Variants in DAB2 observed in about 807,000 individuals in gnomAD.
DAB2 encodes the protein disabled homolog 2.
In DAB2, 28 loss-of-function variants were observed where a neutral mutation model predicts 71.6. That is an observed-to-expected ratio of 0.39 (90% CI 0.29 to 0.54). The LOEUF is 0.54. Among genes scored for constraint, DAB2 ranks in the 20% least tolerant of loss-of-function variants. DAB2 has a pLI of 0.68. For missense variants in DAB2, 867 were observed against 928.8 expected (o/e 0.93, Z 0.86); for synonymous variants, 345 against 339.7 (o/e 1.02, Z -0.17).
intron 11 of DAB2, 41 bp downstream of exon 11, chr5:39,381,413 A>C (rs1280265312): frequency 6.9e-6 from 11 of 1,587,728 alleles, no homozygotes; most frequent in Admixed American, 5.1e-5. Flanking sequence ...TTATGAGCAA[A>C]AGCAAAAGAG....
At chr5:39,401,120 C>T (rs1479406673) in intron 1 of DAB2, among the ~76,000 whole-genome samples, 1 of 152,214 alleles carries the variant, frequency 6.6e-6, no homozygotes, top group Non-Finnish European at 1.5e-5. Context: ...TTTAGGAAGG[C>T]TCTTCTGCTC....
At chr5:39,405,630 C>G (rs745843749) in intron 1 of DAB2, among the ~76,000 whole-genome samples, 1 of 152,226 alleles carries the variant, frequency 6.6e-6, no homozygotes, top group Non-Finnish European at 1.5e-5. Context: ...GAATTACAGT[C>G]TAGCGCATAG....
At chr5:39,423,908 A>G (rs3909469) in intron 1 of DAB2, 35,056 of 151,832 alleles carry the variant, frequency 0.23, 4,201 homozygotes, top group Admixed American at 0.32. Flanking sequence ...CTAAAAAGAA[A>G]GGGGAAAAGG....
intron 1 of DAB2, among the ~76,000 whole-genome samples, chr5:39,421,883 C>G (rs1755993559): frequency 7.0e-6 from 1 of 143,514 alleles, no homozygotes; most frequent in Non-Finnish European, 1.5e-5. Flanking sequence ...ATGGTGAAAC[C>G]CCGTCTCTAC....
chr5:39,391,965 CAAAAAAAAAA>C (rs10708821), intron 4 of DAB2, among the ~76,000 whole-genome samples: 2 of 141,490 alleles, frequency 1.4e-5, no homozygotes, highest in African/African-American at 5.2e-5. Context: ...TACCCGAGGT[CAAAAAAAAAA>C]AAAAAAATAT....
Position 39,394,370 on chromosome 5 carries a change from C to A in DAB2, c.-50G>T. ...CAGTACCAGTGGACACTTGGTGACA[C>A]CAGGCGATCCCGATGGAGAAGTCTC... On this transcript the variant is annotated 5_prime_UTR_variant, in exon 2 of 15. Transcript: ENST00000320816. 7.4e-7 allele frequency: 1 copy of A among 1,347,670 alleles called. No individual in the cohort carries two copies. The highest frequency in any genetic ancestry group is 1.1e-6 in the Non-Finnish European group (1 of 937,474). 83.5% of individuals were successfully genotyped at this position (1,347,670 alleles called of 1,614,324 possible).
intron 1 of DAB2, among the ~76,000 whole-genome samples, chr5:39,404,473 A>AAG (rs1554054941): frequency 2.0e-5 from 3 of 149,948 alleles, no homozygotes; most frequent in Non-Finnish European, 3.0e-5. Context: ...AAAAAAAAAA[A>AAG]AAAGAAAGAA....
Position 39,376,001 on chromosome 5 carries a change from G to A in DAB2, c.2243C>T (p.Ala748Val), listed in dbSNP as rs1233392004. The change falls in exon 13 of 15, where the codon GCC becomes GTC. Residue 748 changes from alanine to valine, a missense_variant. Transcript: ENST00000320816. ...CTTCTAGTAGTTCATACTTACAGAG[G>A]CTTGTGATGAACCAAAAGAATCTTT... ...FFKDSFGSSQ[A>V]SVASSQPVSS... 1 of 1,611,882 alleles carries A rather than the reference G, an allele frequency of 6.2e-7. No individual in the cohort carries two copies. The highest frequency in any genetic ancestry group is 2.2e-5 in the East Asian group (1 of 44,866).
intron 13 of DAB2, 128 bp downstream of exon 13, chr5:39,375,869 G>A (rs375494768): frequency 1.6e-5 from 12 of 743,130 alleles, no homozygotes; most frequent in Non-Finnish European, 2.6e-5. Flanking sequence ...CTGGCCGACA[G>A]AGCAAGACTC....
At chr5:39,389,569 G>T (rs1248698624) in intron 6 of DAB2, among the ~76,000 whole-genome samples, 1 of 152,136 alleles carries the variant, frequency 6.6e-6, no homozygotes, top group Non-Finnish European at 1.5e-5. Flanking sequence ...GGAGTGCAGT[G>T]GCACCATCTC....
chr5:39,413,277 A>T (rs1009788193), intron 1 of DAB2, among the ~76,000 whole-genome samples: 1 of 152,190 alleles, frequency 6.6e-6, no homozygotes, highest in Non-Finnish European at 1.5e-5. Context: ...AAGGACTAAC[A>T]ATCTCAAACA....
chr5:39,385,469 G>T (rs1263059010), intron 9 of DAB2: 1 of 152,104 alleles, frequency 6.6e-6, no homozygotes, highest in Non-Finnish European at 1.5e-5. Flanking sequence ...GGCTGGGTTT[G>T]TTATTAATCC....
At chr5:39,375,514 C>T (rs965995559) in intron 13 of DAB2, among the ~76,000 whole-genome samples, 1 of 152,140 alleles carries the variant, frequency 6.6e-6, no homozygotes, top group African/African-American at 2.4e-5. Flanking sequence ...TGCAAATAAT[C>T]TTTCTCCAGT....
intron 13 of DAB2, 64 bp from the exon 14 acceptor site, chr5:39,375,148 A>T: frequency 8.3e-7 from 1 of 1,199,090 alleles, no homozygotes; most frequent in Non-Finnish European, 1.2e-6. Context: ...AATCGCAATG[A>T]AGACTTCCAA....
At chr5:39,409,235 A>T (rs1450297086) in intron 1 of DAB2, among the ~76,000 whole-genome samples, 6 of 152,194 alleles carry the variant, frequency 3.9e-5, no homozygotes, top group Non-Finnish European at 7.3e-5. Flanking sequence ...ATCTGTCATT[A>T]TTCTCTCATC....
intron 1 of DAB2, among the ~76,000 whole-genome samples, chr5:39,407,460 C>G (rs952701632): frequency 6.6e-6 from 1 of 152,184 alleles, no homozygotes; most frequent in Non-Finnish European, 1.5e-5. Flanking sequence ...CTCAGCCTCC[C>G]AAAGTGCTGG....
At chr5:39,401,730 GTTATTTATTTAT>G (rs55909785) in intron 1 of DAB2, among the ~76,000 whole-genome samples, 23 of 141,196 alleles carry the variant, frequency 1.6e-4, no homozygotes, top group Non-Finnish European at 3.2e-4. Flanking sequence ...CTGAGACTGG[GTTATTTATTTAT>G]TTATTTATTT....
chr5:39,404,557 A>G (rs1755571694), intron 1 of DAB2, among the ~76,000 whole-genome samples: 1 of 150,148 alleles, frequency 6.7e-6, no homozygotes, highest in East Asian at 2.0e-4. Flanking sequence ...ATAAGGGCAC[A>G]TTCTTTGTTT....
In DAB2 at chr5:39,421,308, G is replaced by T. The variant is rs28504553; in HGVS notation, c.-102+3496C>A. Among the ~76,000 whole-genome samples the T allele has an allele frequency of 5.5e-3, 843 of 152,190 alleles. 8 individuals carry two copies. Among genetic ancestry groups the T allele is most frequent in the African/African-American group, 0.019 (790 of 41,536 alleles). On this transcript the variant is annotated intron_variant, in intron 1 of 14. Coordinates refer to ENST00000320816, the MANE Select transcript of DAB2 (RefSeq NM_001343.4). ...AAAGACACTTAATTCAGTTGTTCAGGGGGGAGTAATAACAAACAAACAAAA... is the reference window on the plus strand; with the variant it reads ...AAAGACACTTAATTCAGTTGTTCAGTGGGGAGTAATAACAAACAAACAAAA...
Sources: allele counts gnomAD v4.1 joint callset (sites outside exome capture counted in the v4.1 genomes callset), GRCh38; gene constraint gnomAD v4.1.1; transcripts MANE v1.5; gene names NCBI Gene and HGNC (gene_info 2026-07-23, HGNC 2026-07-21).